Variants in WNT11 observed in about 807,000 individuals in gnomAD.
The protein encoded by WNT11 is Wnt family member 11, also known as protein Wnt-11.
WNT11 carries 20 observed loss-of-function variants against 35.6 expected under a neutral mutation model. The ratio of observed to expected loss-of-function variants is 0.56; its 90% CI spans 0.40 to 0.82. WNT11 has a LOEUF of 0.82. Among genes scored for constraint, WNT11 ranks in the 40% least tolerant of loss-of-function variants. The pLI, the probability that WNT11 is intolerant of heterozygous loss-of-function variation, is 0.00. For missense variants in WNT11, 459 were observed against 504.4 expected (o/e 0.91, Z 0.86); for synonymous variants, 200 against 211.9 (o/e 0.94, Z 0.49).
intron 3 of WNT11, among the ~76,000 whole-genome samples, chr11:76,192,888 A>G (rs1384381718): frequency 1.3e-5 from 2 of 152,210 alleles, no homozygotes; most frequent in Admixed American, 1.3e-4. Context: ...GAGACCTGCA[A>G]GAGTCATGGG....
At chr11:76,198,334 T>C (rs960432741) in intron 1 of WNT11, among the ~76,000 whole-genome samples, 2 of 152,220 alleles carry the variant, frequency 1.3e-5, no homozygotes, top group Non-Finnish European at 2.9e-5. Context: ...ACCACCTTGG[T>C]GGTCTTTTCC....
chr11:76,204,438 G>C (rs991559705), intron 1 of WNT11, among the ~76,000 whole-genome samples: 1 of 152,126 alleles, frequency 6.6e-6, no homozygotes. Flanking sequence ...GCTTCTGCTC[G>C]TGCTGTGCCT....
chr11:76,204,068 C>A (rs116710220), intron 1 of WNT11, among the ~76,000 whole-genome samples: 237 of 152,302 alleles, frequency 1.6e-3, no homozygotes, highest in African/African-American at 5.3e-3. Context: ...TTAAATGGAA[C>A]AATATACATA....
chr11:76,189,753 C>T (rs899319629), intron 4 of WNT11, among the ~76,000 whole-genome samples: 3 of 152,168 alleles, frequency 2.0e-5, no homozygotes, highest in African/African-American at 7.2e-5. Context: ...TTGGGGACCT[C>T]CCACCAGCAC....
rs888547493 is a variant in WNT11, at chr11:76,187,786, G to C, written c.891-547C>G. 5.9e-5 allele frequency among the ~76,000 whole-genome samples: 9 copies of C among 152,180 alleles called. No individual in the cohort carries two copies. The South Asian group carries it at 1.9e-3, about 32-fold the overall frequency. On this transcript the variant is annotated intron_variant, in intron 4 of 4. Coordinates refer to ENST00000322563, the MANE Select transcript of WNT11 (RefSeq NM_004626.3). ...GGCATGAGCTGCTGTGCCCAGCCTT[G>C]TTTTGTTGTCTTGGAGATAGCTTTT...
chr11:76,193,235 A>G (rs1281748057), intron 3 of WNT11, among the ~76,000 whole-genome samples: 2 of 152,144 alleles, frequency 1.3e-5, no homozygotes, highest in Non-Finnish European at 2.9e-5. Context: ...ATCTCATTTA[A>G]TCCTCACGCA....
At position 76,191,610 on chromosome 11, in the gene WNT11, A is replaced by C; in HGVS notation, c.844T>G (p.Phe282Val). 1 of 1,613,666 alleles carries C rather than the reference A, an allele frequency of 6.2e-7. No individual in the cohort carries two copies. Among genetic ancestry groups the C allele is most frequent in the Non-Finnish European group, 8.5e-7 (1 of 1,179,738 alleles). Residue 282 changes from phenylalanine to valine, a missense_variant, in exon 4 of 5, where the codon TTC becomes GTC. Transcript: ENST00000322563. Reference protein sequence around the residue: ...ELVYLQSSPDFCMKNEKVGSH... With the variant: ...ELVYLQSSPDVCMKNEKVGSH... ...CCCACCTTCTCATTCTTCATGCAGA[A>C]GTCAGGTGAGCTCTGCAGATAGACG... is the stretch of plus-strand genomic sequence containing the variant.
At chr11:76,193,454 G>T (rs1056724079) in intron 3 of WNT11, among the ~76,000 whole-genome samples, 2 of 152,222 alleles carry the variant, frequency 1.3e-5, no homozygotes, top group Non-Finnish European at 2.9e-5. Context: ...CGTGCTGGCC[G>T]CTGGCGAAGG....
At position 76,188,312 on chromosome 11, in the gene WNT11, C is replaced by G. The variant is rs1366929007; in HGVS notation, c.891-1073G>C. Among the ~76,000 whole-genome samples, 3 of 152,334 alleles carry G rather than the reference C, an allele frequency of 2.0e-5. No individual in the cohort carries two copies. The South Asian group carries it at 6.2e-4, about 32-fold the overall frequency. ...AAGGGCAGAGGCTTAAACTTGGGGA[C>G]TAAAACTAAGGCCCTGACTTGCTCT... On this transcript the variant is annotated intron_variant, in intron 4 of 4. Coordinates refer to ENST00000322563, the MANE Select transcript of WNT11 (RefSeq NM_004626.3).
At chr11:76,207,798 C>T (rs961159725), upstream of WNT11, among the ~76,000 whole-genome samples, 1 of 151,984 alleles carries the variant, frequency 6.6e-6, no homozygotes, top group African/African-American at 2.4e-5. Flanking sequence ...CCCGCCCGCC[C>T]GCAGCCCGCG....
chr11:76,198,367 A>T (rs1014862647), intron 1 of WNT11, among the ~76,000 whole-genome samples: 1 of 152,118 alleles, frequency 6.6e-6, no homozygotes, highest in African/African-American at 2.4e-5. Context: ...GCCTCCCTGG[A>T]CCTGCCTAGT....
In WNT11 at chr11:76,191,707, G is replaced by C. The variant is rs752898406; in HGVS notation, c.747C>G (p.His249Gln). Reference protein sequence around the residue: ...TRYLSATKVVHRPMGTRKHLV... With the variant: ...TRYLSATKVVQRPMGTRKHLV... ...GGTGCTTGCGGGTGCCCATGGGTCG[G>C]TGCACTACCTTGGTGGCCGACAGGT... Residue 249 changes from histidine (H) to glutamine (Q), a missense_variant, in exon 4 of 5, where the codon CAC (histidine) becomes CAG (glutamine). His to Gln is a conservative substitution (Grantham distance 24). Transcript: ENST00000322563. 6.2e-7 allele frequency: 1 copy of C among 1,613,798 alleles called. No individual in the cohort carries two copies. The highest frequency in any genetic ancestry group is 1.3e-5 in the African/African-American group (1 of 74,942).
chr11:76,193,486 C>T (rs1953219045), intron 3 of WNT11, among the ~76,000 whole-genome samples: 1 of 152,218 alleles, frequency 6.6e-6, no homozygotes, highest in South Asian at 2.1e-4. Flanking sequence ...GTTTCATGAG[C>T]AGGGGTAGGG....
Position 76,206,318 on chromosome 11 carries a change from T to A in WNT11, c.83+7A>T. ...CCTGTGCGCGTGGACGCGGGGTCCC[T>A]ACTCACAGCCACTTGATGCCATAGC... On this transcript the variant is annotated splice_region_variant and intron_variant, in intron 1 of 4. Coordinates refer to ENST00000322563, the MANE Select transcript of WNT11 (RefSeq NM_004626.3). The A allele has an allele frequency of 6.4e-7, 1 of 1,550,720 alleles. No homozygotes were observed. The highest frequency in any genetic ancestry group is 8.7e-7 in the Non-Finnish European group (1 of 1,151,014).
upstream of WNT11, among the ~76,000 whole-genome samples, chr11:76,209,915 C>G (rs1006184676): frequency 4.0e-5 from 6 of 151,570 alleles, no homozygotes; most frequent in African/African-American, 7.3e-5. Context: ...CAGCCTGGAG[C>G]TCAGGTCAGT....
chr11:76,194,498 G>A lies in WNT11; in HGVS notation c.597+69C>T. On this transcript the variant is annotated intron_variant, in intron 3 of 4. Coordinates refer to ENST00000322563, the MANE Select transcript of WNT11 (RefSeq NM_004626.3). This position sits in a 1 kb window ranked among gnomAD's most constrained non-coding sequence, Gnocchi z 5.4. The stretch of plus-strand genomic sequence containing the variant: ...CCCGCACCCCCCACCACTGGGGCAA[G>A]CTGGGTGGCCCTTTTCTGGCCAATG... The A allele has an allele frequency of 6.7e-7, 1 of 1,490,074 alleles. No individual in the cohort carries two copies. The highest frequency in any genetic ancestry group is 2.5e-5 in the East Asian group (1 of 40,240). 92.3% of individuals were successfully genotyped at this position (1,490,074 alleles called of 1,614,324 possible).
At chr11:76,187,307 C>CT in intron 4 of WNT11, 68 bp from the exon 5 acceptor site, 1 of 1,459,218 alleles carries the variant, frequency 6.9e-7, no homozygotes, top group East Asian at 2.5e-5. Context: ...CCCATGACTC[C>CT]CAGCCAGGCA....
Position 76,206,436 on chromosome 11 carries a change from C to T in WNT11, c.-29G>A, listed in dbSNP as rs1323607591. The stretch of plus-strand genomic sequence containing the variant: ...CGCGCGGCGGGCGCGCCCGGGGTCA[C>T]ACCCAGGAGGAGCCGCGCCGAAGTC... On this transcript the variant is annotated 5_prime_UTR_variant, in exon 1 of 5. In the 5' UTR this introduces an upstream ATG that the reference lacks. Transcript: ENST00000322563. 1.4e-6 allele frequency: 2 copies of T among 1,445,420 alleles called. No individual in the cohort carries two copies. The highest frequency in any genetic ancestry group is 1.5e-5 in the African/African-American group (1 of 67,850). The allele number at this position is 1,445,420 out of a possible 1,614,324, so 89.5% of individuals were successfully genotyped here.
upstream of WNT11, chr11:76,210,364 A>AG (rs1198444812): frequency 1.1e-5 from 10 of 935,088 alleles, no homozygotes; most frequent in Non-Finnish European, 5.1e-6. Context: ...TGGGTGCCCA[A>AG]GGGGGTCGTG....
Sources: allele counts gnomAD v4.1 joint callset (sites outside exome capture counted in the v4.1 genomes callset), GRCh38; gene constraint gnomAD v4.1.1; non-coding constraint Gnocchi (gnomAD v3.1); transcripts MANE v1.5; gene names NCBI Gene and HGNC (gene_info 2026-07-23, HGNC 2026-07-21).